GPATCH2: variants seen among roughly 807,000 people sequenced by gnomAD.
The protein encoded by GPATCH2 is G-patch domain containing 2, also known as G patch domain-containing protein 2.
GPATCH2 carries 51 observed loss-of-function variants against 58.0 expected under a neutral mutation model. That is an observed-to-expected ratio of 0.88 (90% confidence interval 0.70 to 1.11). The LOEUF (loss-of-function observed/expected upper bound fraction) is 1.11. Ranked by LOEUF, GPATCH2 falls within the 50% of genes most tolerant of loss-of-function variation. The probability of loss-of-function intolerance (pLI) is 0.00; values close to 1 mark genes in which losing one functional copy is unlikely to be tolerated. For synonymous variants in GPATCH2, 222 were observed against 218.5 expected, an observed-to-expected ratio of 1.02 and a Z score of -0.14; for missense variants, 625 against 652.2, an observed-to-expected ratio of 0.96 and a Z score of 0.45.
chr1:217,482,762 T>C (rs1661269579), intron 8 of GPATCH2, among the ~76,000 whole-genome samples: 1 of 152,200 alleles, frequency 6.6e-6, no homozygotes. Flanking sequence ...CTGACATACA[T>C]AAACTTCAAA....
Position 217,489,904 on chromosome 1 carries a change from A to AT in GPATCH2, c.1277+1775dup, listed in dbSNP as rs573497168. Among the ~76,000 whole-genome samples the AT allele has an allele frequency of 5.8e-3, 890 of 152,236 alleles. 10 individuals carry two copies. The highest frequency in any genetic ancestry group is 0.02 in the African/African-American group (830 of 41,544). On this transcript the variant is annotated intron_variant, in intron 8 of 9. Coordinates refer to ENST00000366935, the MANE Select transcript of GPATCH2 (RefSeq NM_018040.5). ...AGAAACTCCGTCTCAAATTAAAGAA[A>AT]TTTTTTTTAAAAAGTCCTACAAATT... is the stretch of plus-strand genomic sequence containing the variant.
chr1:217,500,939 T>G (rs1662266425), intron 6 of GPATCH2, among the ~76,000 whole-genome samples: 1 of 152,106 alleles, frequency 6.6e-6, no homozygotes, highest in Non-Finnish European at 1.5e-5. Context: ...AGAGATCCTG[T>G]GCACCTTTAT....
At chr1:217,468,845 C>A (rs1475597646) in intron 8 of GPATCH2, among the ~76,000 whole-genome samples, 1 of 151,646 alleles carries the variant, frequency 6.6e-6, no homozygotes, top group East Asian at 1.9e-4. Context: ...TGATAATTAT[C>A]TAAGCCAGTT....
At chr1:217,555,295 G>A (rs1665565813) in intron 5 of GPATCH2, among the ~76,000 whole-genome samples, 1 of 152,084 alleles carries the variant, frequency 6.6e-6, no homozygotes, top group Non-Finnish European at 1.5e-5. Flanking sequence ...GTCTAATGAT[G>A]TTCAATAATT....
At position 217,506,029 on chromosome 1, in the gene GPATCH2, C is replaced by T. The variant is rs142246915; in HGVS notation, c.1167-7634G>A. On this transcript the variant is annotated intron_variant, in intron 6 of 9. Transcript: ENST00000366935. ...AGAGACAAGGTTTCACCATGTTGGC[C>T]AGGCTGGTCTCGAACTCCTGACCTC... 9.7e-3 allele frequency among the ~76,000 whole-genome samples: 1,483 copies of T among 152,270 alleles called. 23 individuals carry two copies. Among genetic ancestry groups the T allele is most frequent in the African/African-American group, 0.033 (1,367 of 41,560 alleles).
At chr1:217,469,055 C>A (rs1397298221) in intron 8 of GPATCH2, among the ~76,000 whole-genome samples, 1 of 151,928 alleles carries the variant, frequency 6.6e-6, no homozygotes, top group Non-Finnish European at 1.5e-5. Flanking sequence ...TTTTAAGTGA[C>A]CAAATTTGAA....
At chr1:217,609,954 T>C (rs1668545848) in intron 5 of GPATCH2, 1 of 1,280,962 alleles carries the variant, frequency 7.8e-7, no homozygotes, top group Non-Finnish European at 9.9e-7. Flanking sequence ...CCAACCTAAA[T>C]CCCTAGAAAG....
At chr1:217,450,988 T>C (rs1400977896) in intron 8 of GPATCH2, among the ~76,000 whole-genome samples, 1 of 151,794 alleles carries the variant, frequency 6.6e-6, no homozygotes, top group Non-Finnish European at 1.5e-5. Context: ...GTGGTGAAAA[T>C]GGGGAGGGGG....
intron 9 of GPATCH2, among the ~76,000 whole-genome samples, chr1:217,437,613 G>A (rs547466524): frequency 9.8e-5 from 15 of 152,354 alleles, no homozygotes; most frequent in African/African-American, 3.4e-4. Flanking sequence ...AAACAAAGCT[G>A]CTGGGAGTTC....
chr1:217,624,456 G>A (rs1354384963), intron 1 of GPATCH2, among the ~76,000 whole-genome samples: 1 of 152,222 alleles, frequency 6.6e-6, no homozygotes, highest in Admixed American at 6.5e-5. Flanking sequence ...GGCGGAGGCT[G>A]TAGTGAGCCA....
chr1:217,484,577 T>TATAG lies in GPATCH2; in HGVS notation c.1277+7102_1277+7103insCTAT, dbSNP rs1553328485. Among the ~76,000 whole-genome samples, 1,151 of 145,622 alleles carry TATAG rather than the reference T, an allele frequency of 7.9e-3. 13 individuals carry two copies. Among genetic ancestry groups the TATAG allele is most frequent in the Middle Eastern group, 0.043 (12 of 276 alleles). On this transcript the variant is annotated intron_variant, in intron 8 of 9. Transcript: ENST00000366935. ...TTATTTATATATATATATATATATA[T>TATAG]GATGCACATATACACGTGTGCATAT...
chr1:217,444,627 G>A (rs189804410), intron 9 of GPATCH2, among the ~76,000 whole-genome samples: 55 of 152,250 alleles, frequency 3.6e-4, no homozygotes, highest in Admixed American at 1.2e-3. Flanking sequence ...AAACACAACC[G>A]AAGAGTGGGC....
At position 217,431,309 on chromosome 1, in the gene GPATCH2, G is replaced by A. The variant is rs780808026; in HGVS notation, c.1423C>T (p.Leu475Phe). ...ILENNIGNRMLQNMGWTPGSG... is the reference protein window; with the variant it reads ...ILENNIGNRMFQNMGWTPGSG... ...CCAGGCGTCCAGCCCATATTCTGAA[G>A]CATTCGGTTTCCAATATTATTTTCT... The change falls in exon 10 of 10, where the codon CTT (leucine) becomes TTT (phenylalanine). Residue 475 changes from leucine (L) to phenylalanine (F), a missense_variant. By Grantham distance (22) the Leu-to-Phe change is conservative (BLOSUM62 0). Transcript: ENST00000366935. 3 of 1,609,794 alleles carry A rather than the reference G, an allele frequency of 1.9e-6. No homozygotes were observed. Among genetic ancestry groups the A allele is most frequent in the East Asian group, 2.2e-5 (1 of 44,868 alleles).
At chr1:217,618,642 CAAAATAA>C (rs1373991447) in intron 2 of GPATCH2, among the ~76,000 whole-genome samples, 4 of 151,558 alleles carry the variant, frequency 2.6e-5, no homozygotes, top group African/African-American at 9.7e-5. Context: ...CCCAAAAAAA[CAAAATAA>C]AAAATAAAAA....
chr1:217,555,291 T>C (rs17722648), intron 5 of GPATCH2, among the ~76,000 whole-genome samples: 8,561 of 152,268 alleles, frequency 0.056, 300 homozygotes, highest in African/African-American at 0.094. Flanking sequence ...CAGAGTCTAA[T>C]GATGTTCAAT....
intron 5 of GPATCH2, among the ~76,000 whole-genome samples, chr1:217,526,474 C>A (rs143332397): frequency 2.6e-5 from 4 of 151,946 alleles, no homozygotes; most frequent in African/African-American, 7.3e-5. Flanking sequence ...CTATTCTTTG[C>A]GGTATGAATA....
At chr1:217,463,368 A>G (rs74622234) in intron 8 of GPATCH2, among the ~76,000 whole-genome samples, 3,275 of 152,238 alleles carry the variant, frequency 0.022, 140 homozygotes, top group African/African-American at 0.074. Flanking sequence ...TTGAGGAAGT[A>G]AAACAAGTTC....
At chr1:217,569,995 G>A (rs961794753) in intron 5 of GPATCH2, among the ~76,000 whole-genome samples, 2 of 152,126 alleles carry the variant, frequency 1.3e-5, no homozygotes, top group African/African-American at 4.8e-5. Context: ...CAAATCCTCA[G>A]ATTTTTGAGT....
chr1:217,577,736 C>CTTATTA (rs376671860), intron 5 of GPATCH2, among the ~76,000 whole-genome samples: 4 of 146,064 alleles, frequency 2.7e-5, no homozygotes, highest in African/African-American at 4.9e-5. Context: ...TCTGGTTTTA[C>CTTATTA]TTATTATTAT....
Sources: gnomAD v4.1 joint callset for allele counts (sites outside exome capture counted in the v4.1 genomes callset) on GRCh38, gnomAD v4.1.1 for gene constraint, MANE v1.5 for transcripts, NCBI Gene and HGNC (gene_info 2026-07-23, HGNC 2026-07-21) for gene names.